The following TANC2 variants were observed in gnomAD, a reference collection of about 807,000 sequenced individuals.
TANC2 encodes the protein tetratricopeptide repeat, ankyrin repeat and coiled-coil containing 2.
Under a neutral mutation model 210.5 loss-of-function variants are expected in TANC2, and 26 were observed. The observed-to-expected ratio is 0.12, with a 90% CI of 0.09 to 0.17. TANC2 has a LOEUF of 0.17. TANC2 is among the 10% of genes least tolerant of loss of function. TANC2 has a pLI of 1.00. For missense variants in TANC2, 2,129 were observed against 2,608.9 expected (o/e 0.82, Z 4.01); for synonymous variants, 931 against 967.1 (o/e 0.96, Z 0.69).
At chr17:63,297,524 G>A (rs2044572945) in intron 9 of TANC2, among the ~76,000 whole-genome samples, 2 of 151,982 alleles carry the variant, frequency 1.3e-5, no homozygotes, top group South Asian at 2.1e-4. Context: ...GAATGAAGTT[G>A]GACCCTACCT....
intron 2 of TANC2, among the ~76,000 whole-genome samples, chr17:63,060,333 C>T (rs894024446): frequency 3.3e-5 from 5 of 152,194 alleles, no homozygotes; most frequent in East Asian, 1.9e-4. Flanking sequence ...TAAAAGTCCT[C>T]GTTTGGGCTG....
intron 11 of TANC2, among the ~76,000 whole-genome samples, chr17:63,332,902 G>A (rs2045904676): frequency 6.6e-6 from 1 of 151,624 alleles, no homozygotes; most frequent in Non-Finnish European, 1.5e-5. Flanking sequence ...AACAAAACCT[G>A]GATGATAGCA....
chr17:63,020,927 G>T (rs372812427), intron 2 of TANC2, among the ~76,000 whole-genome samples: 1 of 152,060 alleles, frequency 6.6e-6, no homozygotes, highest in East Asian at 1.9e-4. Flanking sequence ...TGAGAGAGGG[G>T]TGTAGGAGCT....
chr17:63,310,545 A>T (rs1173825877), intron 9 of TANC2, among the ~76,000 whole-genome samples: 1 of 152,248 alleles, frequency 6.6e-6, no homozygotes, highest in Non-Finnish European at 1.5e-5. Flanking sequence ...GAAAGGCAAA[A>T]GATTAATGTC....
chr17:63,260,329 G>T (rs1464440829), intron 8 of TANC2, among the ~76,000 whole-genome samples: 1 of 152,148 alleles, frequency 6.6e-6, no homozygotes, highest in Non-Finnish European at 1.5e-5. Context: ...GGCTTTGCAG[G>T]CCACATGGCC....
intron 10 of TANC2, 81 bp downstream of exon 10, chr17:63,314,750 T>G (rs2045260028): frequency 1.3e-6 from 2 of 1,509,640 alleles, no homozygotes; most frequent in African/African-American, 2.8e-5. Flanking sequence ...TCGTATATCC[T>G]TTTATTTTCT....
chr17:63,183,804 T>A (rs532874173), intron 5 of TANC2, among the ~76,000 whole-genome samples: 1 of 152,196 alleles, frequency 6.6e-6, no homozygotes, highest in South Asian at 2.1e-4. Flanking sequence ...GATCACGAGG[T>A]CAGGAGATTG....
At chr17:63,304,140 G>C (rs2044818429) in intron 9 of TANC2, among the ~76,000 whole-genome samples, 1 of 152,104 alleles carries the variant, frequency 6.6e-6, no homozygotes, top group Non-Finnish European at 1.5e-5. Context: ...GAGAGGCGTT[G>C]CGATCATTTG....
intron 9 of TANC2, among the ~76,000 whole-genome samples, chr17:63,297,290 T>C (rs2044565951): frequency 6.6e-6 from 1 of 152,062 alleles, no homozygotes; most frequent in Non-Finnish European, 1.5e-5. Context: ...AAGTTGGAAG[T>C]GTCAAACGTC....
intron 8 of TANC2, among the ~76,000 whole-genome samples, chr17:63,239,325 C>G (rs1044246295): frequency 2.0e-5 from 3 of 152,146 alleles, no homozygotes; most frequent in Admixed American, 6.5e-5. Context: ...AATGTTCTGA[C>G]TTTTCAAAAT....
In TANC2 at chr17:63,307,593, A is replaced by G. The variant is rs200023469; in HGVS notation, c.1160-6795A>G. Among the ~76,000 whole-genome samples the G allele has an allele frequency of 2.2e-3, 339 of 152,344 alleles. 3 individuals are homozygous for G. Among genetic ancestry groups the G allele is most frequent in the East Asian group, 0.012 (64 of 5,186 alleles). ...TTATATTCTATAGAATTCAAACTCA[A>G]GAGTTTCAGGGCTTGTATGAGTATA... On this transcript the variant is annotated intron_variant, in intron 9 of 27. Transcript: ENST00000689528.
chr17:63,086,900 CA>C (rs2036988749), intron 3 of TANC2, among the ~76,000 whole-genome samples: 1 of 146,622 alleles, frequency 6.8e-6, no homozygotes. Context: ...TAAAATGGAC[CA>C]ATCAGCACTC....
At chr17:63,238,848 A>G (rs988338368) in intron 8 of TANC2, among the ~76,000 whole-genome samples, 2 of 152,194 alleles carry the variant, frequency 1.3e-5, no homozygotes, top group Non-Finnish European at 2.9e-5. Flanking sequence ...AGAGAGAGCA[A>G]GCACACAGGG....
At chr17:63,145,778 C>T (rs2039442852) in intron 4 of TANC2, among the ~76,000 whole-genome samples, 1 of 152,078 alleles carries the variant, frequency 6.6e-6, no homozygotes, top group Non-Finnish European at 1.5e-5. Context: ...ATGCCAGTAC[C>T]ATACTGTTTA....
intron 5 of TANC2, among the ~76,000 whole-genome samples, chr17:63,170,260 A>T (rs1413498201): frequency 6.8e-6 from 1 of 147,338 alleles, no homozygotes; most frequent in Non-Finnish European, 1.5e-5. Context: ...TCCCATCTCT[A>T]CTAAAAATAC....
At chr17:63,395,870 A>G (rs1217104853) in exon 18 of TANC2, 4 of 1,611,326 alleles carry the variant, frequency 2.5e-6, no homozygotes, top group Admixed American at 3.4e-5. Context: ...GGAGTATTTA[A>G]GAAGAGCCAT....
At chr17:63,244,653 A>G (rs2042866725) in intron 8 of TANC2, among the ~76,000 whole-genome samples, 1 of 152,212 alleles carries the variant, frequency 6.6e-6, no homozygotes, top group Admixed American at 6.5e-5. Context: ...AGGCTTCAAC[A>G]CTGTCTCATC....
chr17:63,211,079 T>G (rs1259087376), intron 7 of TANC2, among the ~76,000 whole-genome samples: 1 of 152,190 alleles, frequency 6.6e-6, no homozygotes, highest in Non-Finnish European at 1.5e-5. Flanking sequence ...TATCTCAGAC[T>G]TAGATTAATA....
chr17:63,227,575 T>C (rs756080984), intron 7 of TANC2, among the ~76,000 whole-genome samples: 1 of 152,224 alleles, frequency 6.6e-6, no homozygotes, highest in Non-Finnish European at 1.5e-5. Flanking sequence ...ACTCTGATGA[T>C]AGTTTCTTTC....
Sources: allele counts gnomAD v4.1 joint callset (sites outside exome capture counted in the v4.1 genomes callset), GRCh38; gene constraint gnomAD v4.1.1; transcripts MANE v1.5; gene names NCBI Gene and HGNC (gene_info 2026-07-23, HGNC 2026-07-21).